The following WDR1 variants were observed in gnomAD, a reference collection of about 807,000 sequenced individuals.
WDR1 encodes WD repeat-containing protein 1.
WDR1 carries 21 observed loss-of-function variants against 71.9 expected under a neutral mutation model. The observed-to-expected ratio is 0.29, with a 90% CI of 0.21 to 0.42. The LOEUF (loss-of-function observed/expected upper bound fraction) is 0.42. Among genes scored for constraint, WDR1 ranks in the 10% least tolerant of loss-of-function variants. The pLI is 1.00. For synonymous variants in WDR1, 424 were observed against 347.4 expected (o/e 1.22, Z -2.45); for missense variants, 696 against 824.5 (o/e 0.84, Z 1.91).
chr4:10,099,155 G>A lies in WDR1; in HGVS notation c.230-16C>T. On this transcript the variant is annotated splice_polypyrimidine_tract_variant and intron_variant, in intron 3 of 14. Transcript: ENST00000499869. ...CCAGACACATCTGTGGGGCACAGCG[G>A]GCGGGGGAGGGGGGGAGGCGGTGGT... is the stretch of plus-strand genomic sequence containing the variant. The A allele has an allele frequency of 1.3e-6, 2 of 1,574,694 alleles. No individual in the cohort carries two copies. The highest frequency in any genetic ancestry group is 1.7e-6 in the Non-Finnish European group (2 of 1,149,988).
In WDR1 at chr4:10,081,390, G is replaced by A. The variant is rs570258690; in HGVS notation, c.1251C>T (p.Pro417=). 131 of 1,613,854 alleles carry A rather than the reference G, an allele frequency of 8.1e-5. 2 individuals are homozygous for A. The South Asian group carries it at 1.1e-3, about 13-fold the overall frequency. Residue 417 remains proline (P), a synonymous_variant, in exon 11 of 15, where the codon CCC becomes CCT. Coordinates refer to ENST00000499869, the MANE Select transcript of WDR1 (RefSeq NM_017491.5). The part of the protein sequence containing the change: ...DVQPKCVAVG[P]GGYAVVVCIG... ...TGCACACGACCACGGCGTATCCCCC[G>A]GGGCCGACGGCTACGCACTTTGGCT... is the stretch of plus-strand genomic sequence containing the variant.
chr4:10,097,383 C>T (rs966689934), intron 5 of WDR1, among the ~76,000 whole-genome samples: 1 of 152,246 alleles, frequency 6.6e-6, no homozygotes, highest in East Asian at 1.9e-4. Flanking sequence ...CCTGCAGGCT[C>T]CCCTCTCTAA....
chr4:10,084,394 C>G lies in WDR1; in HGVS notation c.1039+49G>C, dbSNP rs765436556. 6 of 1,562,166 alleles carry G rather than the reference C, an allele frequency of 3.8e-6. No homozygotes were observed. The Admixed American group carries it at 7.3e-5, about 19-fold the overall frequency. On this transcript the variant is annotated intron_variant, in intron 9 of 14. Coordinates refer to ENST00000499869, the MANE Select transcript of WDR1 (RefSeq NM_017491.5). ...CTGGCATCATGGGAACAGGAAATTCCCCCCTAGAGCCAGCGGCTCCGGAGC... is the reference window on the plus strand; with the variant it reads ...CTGGCATCATGGGAACAGGAAATTCGCCCCTAGAGCCAGCGGCTCCGGAGC...
intron 2 of WDR1, among the ~76,000 whole-genome samples, chr4:10,113,837 A>G (rs1713540749): frequency 6.6e-6 from 1 of 152,276 alleles, no homozygotes; most frequent in Non-Finnish European, 1.5e-5. Flanking sequence ...GGGCCTGAAC[A>G]GCTGGAGGAA....
At chr4:10,083,916 A>ACAAGG (rs964535051) in intron 9 of WDR1, among the ~76,000 whole-genome samples, 13 of 152,256 alleles carry the variant, frequency 8.5e-5, no homozygotes, top group Admixed American at 2.6e-4. Context: ...CCGAAGGGCC[A>ACAAGG]CAAGGCACCT....
chr4:10,083,057 G>T lies in WDR1; in HGVS notation c.1161C>A (p.Thr387=), dbSNP rs369146940. 1.9e-6 allele frequency: 3 copies of T among 1,613,808 alleles called. No individual in the cohort carries two copies. The highest frequency in any genetic ancestry group is 2.5e-6 in the Non-Finnish European group (3 of 1,179,846). The change falls in exon 10 of 15, where the codon ACC becomes ACA. Residue 387 remains threonine, a synonymous_variant. Coordinates refer to ENST00000499869, the MANE Select transcript of WDR1 (RefSeq NM_017491.5). ...GQLISCSMDD[T]VRYTSLMLRD... The stretch of plus-strand genomic sequence containing the variant: ...GCAGCATGAGGCTGGTGTACCGCAC[G>T]GTGTCGTCCATGCTGCAGCTGATGA...
intron 5 of WDR1, among the ~76,000 whole-genome samples, chr4:10,095,762 G>A (rs1712306586): frequency 6.6e-6 from 1 of 152,240 alleles, no homozygotes; most frequent in Admixed American, 6.5e-5. Context: ...GGCTGAGGGT[G>A]CAGCACGCAA....
intron 2 of WDR1, among the ~76,000 whole-genome samples, chr4:10,107,455 T>G (rs547324594): frequency 6.6e-6 from 1 of 152,328 alleles, no homozygotes; most frequent in Admixed American, 6.5e-5. Flanking sequence ...CGGTCCGGCT[T>G]GCAACCCACC....
chr4:10,083,922 C>A lies in WDR1; in HGVS notation c.1039+521G>T, dbSNP rs571963011. ...GGAACATCACCGAAGGGCCACAAGG[C>A]ACCTCGCAGGAGCTCCAGCCCTGGC... On this transcript the variant is annotated intron_variant, in intron 9 of 14. Transcript: ENST00000499869. Among the ~76,000 whole-genome samples the A allele has an allele frequency of 3.9e-5, 6 of 152,376 alleles. No individual in the cohort carries two copies. In the East Asian group the frequency reaches 1.2e-3, roughly 29 times the overall value.
chr4:10,083,719 T>C, intron 9 of WDR1: 6 of 457,270 alleles, frequency 1.3e-5, no homozygotes, highest in Admixed American at 2.3e-5. Context: ...TGGGCATCCC[T>C]GCCCAGGCAC....
chr4:10,092,091 C>T (rs191614530), intron 5 of WDR1: 65 of 152,418 alleles, frequency 4.3e-4, no homozygotes, highest in East Asian at 1.9e-3. Context: ...AGCACAGCCT[C>T]GCCTTGCCGC....
intron 14 of WDR1, chr4:10,076,794 T>A (rs777616368): frequency 6.5e-6 from 1 of 153,768 alleles, no homozygotes; most frequent in Non-Finnish European, 1.4e-5. Context: ...AGGGGAGGGT[T>A]TGGACAACAC....
intron 5 of WDR1, chr4:10,092,902 C>T (rs972359576): frequency 2.7e-5 from 13 of 483,266 alleles, no homozygotes; most frequent in Middle Eastern, 4.1e-4. Flanking sequence ...CCAGCCTCAT[C>T]CCTGGTGGAC....
rs145369046 is a variant in WDR1, at chr4:10,080,819, G to A, written c.1284+538C>T. On this transcript the variant is annotated intron_variant, in intron 11 of 14. Transcript: ENST00000499869. ...GAAGTCAGGTGCCACCCTTCTGCAT[G>A]TGGGAAAGTACCAAGCTGCTCTAGG... Among the ~76,000 whole-genome samples the A allele has an allele frequency of 2.2e-3, 340 of 152,374 alleles. 2 individuals carry two copies. Among genetic ancestry groups the A allele is most frequent in the East Asian group, 6.9e-3 (36 of 5,190 alleles).
rs1440561532 is a variant in WDR1, at chr4:10,075,275, TG to T, written c.*102del. On this transcript the variant is annotated 3_prime_UTR_variant, in exon 15 of 15. Transcript: ENST00000499869. ...GGCCCTCCTGCCTCTTGTGGTGGGG[TG>T]GGGGCATGGGGGCGCGTCACAGAAA... 8 of 954,978 alleles carry T rather than the reference TG, an allele frequency of 8.4e-6. No individual in the cohort carries two copies. In the Admixed American group the frequency reaches 1.4e-4, roughly 17 times the overall value. The allele number at this position is 954,978 out of a possible 1,614,324, so 59.2% of individuals were successfully genotyped here.
At chr4:10,083,669 C>G in intron 9 of WDR1, 1 of 471,576 alleles carries the variant, frequency 2.1e-6, no homozygotes, top group Admixed American at 2.2e-5. Context: ...GGGAGGGCAG[C>G]AGAACAACGC....
Position 10,100,025 on chromosome 4 carries a change from G to T in WDR1, c.230-886C>A, listed in dbSNP as rs1026515791. ...CTCTCCAAATGAGCACTGTGTTGGC[G>T]TGAAGAAATGGGAGCATTCTAGACT... On this transcript the variant is annotated intron_variant, in intron 3 of 14. Coordinates refer to ENST00000499869, the MANE Select transcript of WDR1 (RefSeq NM_017491.5). 2.0e-5 allele frequency among the ~76,000 whole-genome samples: 3 copies of T among 152,194 alleles called. No individual in the cohort carries two copies. In the East Asian group the frequency reaches 5.8e-4, roughly 29 times the overall value.
chr4:10,098,334 G>A (rs1394136033), intron 4 of WDR1, among the ~76,000 whole-genome samples: 2 of 152,212 alleles, frequency 1.3e-5, no homozygotes, highest in Non-Finnish European at 2.9e-5. Context: ...CAACAGGAAT[G>A]ACTTGAGAAG....
rs1288152079 is a variant in WDR1 at position 10,116,438 on chromosome 4, C to T, written c.17-204G>A. 7 of 846,340 alleles carry T rather than the reference C, an allele frequency of 8.3e-6. No homozygotes were observed. In the East Asian group the frequency reaches 2.5e-4, roughly 30 times the overall value. The allele number at this position is 846,340 out of a possible 1,614,324, so 52.4% of individuals were successfully genotyped here. On this transcript the variant is annotated intron_variant, in intron 1 of 14. Coordinates refer to ENST00000499869, the MANE Select transcript of WDR1 (RefSeq NM_017491.5). ...GGCCCTTGGGGGCAGCGGGGCTCCT[C>T]CGGCTCGGCCCACGGCGCCAACTTG...
Sources: gnomAD v4.1 joint callset for allele counts (sites outside exome capture counted in the v4.1 genomes callset) on GRCh38, gnomAD v4.1.1 for gene constraint, MANE v1.5 for transcripts, NCBI Gene and HGNC (gene_info 2026-07-23, HGNC 2026-07-21) for gene names.